KMT2C: variants seen among roughly 807,000 people sequenced by gnomAD.
KMT2C encodes histone-lysine N-methyltransferase 2C.
Under a neutral mutation model 507.9 loss-of-function variants are expected in KMT2C, and 88 were observed. The observed-to-expected ratio is 0.17, with a 90% CI of 0.15 to 0.21. KMT2C has a LOEUF of 0.21. Ranked by LOEUF, KMT2C falls within the 10% of genes least tolerant of loss-of-function variation. The pLI, the probability that KMT2C is intolerant of heterozygous loss-of-function variation, is 1.00. For synonymous variants in KMT2C, 2,049 were observed against 2,080.8 expected, an observed-to-expected ratio of 0.98 and a Z score of 0.42; for missense variants, 4,954 against 5,957.8, an observed-to-expected ratio of 0.83 and a Z score of 5.55.
chr7:152,271,094 T>C (rs1431201582), intron 7 of KMT2C, among the ~76,000 whole-genome samples: 1 of 152,178 alleles, frequency 6.6e-6, no homozygotes, highest in Non-Finnish European at 1.5e-5. Context: ...TTTAAAGCAA[T>C]TAATACATAC....
At chr7:152,368,227 C>A in intron 1 of KMT2C, 2 of 895,928 alleles carry the variant, frequency 2.2e-6, no homozygotes, top group Non-Finnish European at 3.8e-6. Flanking sequence ...GATAAAAACA[C>A]ACACTCAGGA....
chr7:152,418,596 T>C (rs2097760184), intron 1 of KMT2C, among the ~76,000 whole-genome samples: 1 of 151,910 alleles, frequency 6.6e-6, no homozygotes, highest in African/African-American at 2.4e-5. Flanking sequence ...CACACCTGGC[T>C]AATTTTTGTA....
intron 2 of KMT2C, among the ~76,000 whole-genome samples, chr7:152,341,685 G>A (rs377761260): frequency 2.1e-3 from 324 of 152,186 alleles, no homozygotes; most frequent in African/African-American, 7.5e-3. Flanking sequence ...TAAAGTTAGG[G>A]AAAATTTTAT....
intron 1 of KMT2C, among the ~76,000 whole-genome samples, chr7:152,426,162 G>A (rs1009289458): frequency 1.5e-4 from 22 of 149,792 alleles, no homozygotes; most frequent in Admixed American, 6.7e-4. Context: ...GGACATCTGC[G>A]TACAAAGAAA....
intron 6 of KMT2C, among the ~76,000 whole-genome samples, chr7:152,278,108 G>A (rs1401996194): frequency 6.6e-6 from 1 of 152,010 alleles, no homozygotes; most frequent in African/African-American, 2.4e-5. Context: ...GGGTCATGGG[G>A]GCAAATCCCT....
intron 1 of KMT2C, among the ~76,000 whole-genome samples, chr7:152,374,267 GATTGCACC>G (rs1255040314): frequency 6.6e-6 from 1 of 151,926 alleles, no homozygotes; most frequent in Non-Finnish European, 1.5e-5. Flanking sequence ...AGTGACCCGA[GATTGCACC>G]ATTGCACTCC....
intron 41 of KMT2C, among the ~76,000 whole-genome samples, chr7:152,168,063 A>G (rs1284106674): frequency 6.6e-6 from 1 of 152,146 alleles, no homozygotes; most frequent in Non-Finnish European, 1.5e-5. Flanking sequence ...ATTCTCCCCA[A>G]ATGGCTATAT....
intron 14 of KMT2C, among the ~76,000 whole-genome samples, chr7:152,246,182 A>T (rs2129162626): frequency 1.3e-5 from 2 of 152,284 alleles, no homozygotes; most frequent in East Asian, 3.9e-4. Flanking sequence ...CTCCCTAATA[A>T]CAGCACTATA....
intron 1 of KMT2C, among the ~76,000 whole-genome samples, chr7:152,394,333 A>G (rs1163045872): frequency 4.6e-5 from 7 of 152,306 alleles, no homozygotes; most frequent in Non-Finnish European, 1.0e-4. Flanking sequence ...AAGGCCCTGC[A>G]CAATCTGACT....
intron 44 of KMT2C, among the ~76,000 whole-genome samples, chr7:152,157,201 G>T (rs1381360083): frequency 6.6e-6 from 1 of 151,416 alleles, no homozygotes; most frequent in African/African-American, 2.4e-5. Flanking sequence ...GGTGGTGCAT[G>T]CCTGTAGTCC....
intron 1 of KMT2C, among the ~76,000 whole-genome samples, chr7:152,400,238 G>A (rs2097564262): frequency 6.6e-6 from 1 of 152,100 alleles, no homozygotes; most frequent in Non-Finnish European, 1.5e-5. Context: ...GAACCCAGGA[G>A]GCAGAGGTTG....
chr7:152,339,877 A>T (rs1174254762), intron 2 of KMT2C, among the ~76,000 whole-genome samples: 1 of 152,194 alleles, frequency 6.6e-6, no homozygotes, highest in Non-Finnish European at 1.5e-5. Flanking sequence ...GCACAGAGAA[A>T]AATAATATAT....
rs2129202714 is a variant in KMT2C, at chr7:152,315,315, T to C, written c.413A>G (p.Tyr138Cys). Residue 138 changes from tyrosine (Y) to cysteine (C), a missense_variant, in exon 4 of 59, where the codon TAC becomes TGC. By Grantham distance (194) the Tyr-to-Cys change is radical. Coordinates refer to ENST00000262189, the MANE Select transcript of KMT2C (RefSeq NM_170606.3). ...TCCTAAGGAACTTTTTTCCCCACAG[T>C]AACAAAAAGCGCAGAGCTGTTCACT... is the stretch of plus-strand genomic sequence containing the variant. ...KISEQLCAFCYCGEKSSLGQG... is the reference protein window; with the variant it reads ...KISEQLCAFCCCGEKSSLGQG... 1 of 1,613,754 alleles carries C rather than the reference T, an allele frequency of 6.2e-7. No homozygotes were observed. The highest frequency in any genetic ancestry group is 8.5e-7 in the Non-Finnish European group (1 of 1,179,774).
At chr7:152,157,103 T>C (rs189423362) in intron 44 of KMT2C, among the ~76,000 whole-genome samples, 120 of 152,200 alleles carry the variant, frequency 7.9e-4, no homozygotes, top group African/African-American at 2.7e-3. Context: ...TTTTTTCTTT[T>C]TGGAGACAGA....
intron 40 of KMT2C, among the ~76,000 whole-genome samples, chr7:152,169,690 T>C (rs2092876142): frequency 6.6e-6 from 1 of 152,144 alleles, no homozygotes; most frequent in Non-Finnish European, 1.5e-5. Flanking sequence ...GTCTCTAACA[T>C]GCACAAATAT....
At chr7:152,208,707 C>T (rs565930809) in intron 23 of KMT2C, among the ~76,000 whole-genome samples, 1 of 152,174 alleles carries the variant, frequency 6.6e-6, no homozygotes, top group Non-Finnish European at 1.5e-5. Context: ...ATTTTAAAAT[C>T]AAGTTGTTAA....
chr7:152,262,955 T>C, intron 9 of KMT2C, 61 bp downstream of exon 9: 1 of 1,246,344 alleles, frequency 8.0e-7, no homozygotes, highest in South Asian at 1.4e-5. Context: ...GTATCCGATT[T>C]GTCTGGTCTC....
chr7:152,151,852 T>C (rs554771892), intron 49 of KMT2C, among the ~76,000 whole-genome samples: 2 of 152,248 alleles, frequency 1.3e-5, no homozygotes, highest in South Asian at 4.1e-4. Flanking sequence ...CCAAGAGAGA[T>C]TACTATTCAG....
At position 152,177,527 on chromosome 7, in the gene KMT2C, A is replaced by G. The variant is rs1176394344; in HGVS notation, c.7926T>C (p.Ser2642=). 2 of 1,614,236 alleles carry G rather than the reference A, an allele frequency of 1.2e-6. No homozygotes were observed. The highest frequency in any genetic ancestry group is 2.2e-5 in the East Asian group (1 of 44,882). The change falls in exon 38 of 59, where the codon TCT becomes TCC. Residue 2642 remains serine, a synonymous_variant. Transcript: ENST00000262189. Reference sequence around the variant, plus strand: ...GGTTCAGAGTCCTCATGACCATAGAAGATGAATGGACAGAATGACCTTGCT... The same window carrying G: ...GGTTCAGAGTCCTCATGACCATAGAGGATGAATGGACAGAATGACCTTGCT... ...QQEQGHSVHS[S]SMVMRTLNHP...
Sources: allele counts gnomAD v4.1 joint callset (sites outside exome capture counted in the v4.1 genomes callset), GRCh38; gene constraint gnomAD v4.1.1; transcripts MANE v1.5; gene names NCBI Gene and HGNC (gene_info 2026-07-23, HGNC 2026-07-21).